DACH2: variants seen among roughly 807,000 people sequenced by gnomAD.
DACH2 encodes dachshund homolog 2.
Under a neutral mutation model 35.8 loss-of-function variants are expected in DACH2, and 17 were observed. That is an observed-to-expected ratio of 0.48 (90% CI 0.33 to 0.71). The LOEUF is 0.71. DACH2 is among the 30% of genes least tolerant of loss of function. The probability of loss-of-function intolerance (pLI) is 0.02; values close to 1 mark genes in which losing one functional copy is unlikely to be tolerated. For synonymous variants in DACH2, 195 were observed against 177.3 expected (o/e 1.10, Z -0.79); for missense variants, 469 against 472.7 (o/e 0.99, Z 0.07).
chrX:86,553,636 T>C (rs1203375521), intron 3 of DACH2, among the ~76,000 whole-genome samples: 1 of 112,021 alleles, frequency 8.9e-6, no homozygotes, highest in Non-Finnish European at 1.9e-5. Context: ...TAGTTAATGG[T>C]AAGTAGATGA....
chrX:86,285,742 C>A (rs2034130967), intron 1 of DACH2, among the ~76,000 whole-genome samples: 1 of 111,759 alleles, frequency 8.9e-6, no homozygotes, highest in African/African-American at 3.3e-5. Flanking sequence ...TCTGAAAGAT[C>A]TGTCCAATGC....
chrX:86,543,412 A>G (rs916519654), intron 3 of DACH2, among the ~76,000 whole-genome samples: 2 of 111,989 alleles, frequency 1.8e-5, no homozygotes, highest in Non-Finnish European at 3.8e-5. Context: ...ACAAGTCAAA[A>G]AGACAGAATG....
At chrX:86,445,947 A>T (rs2037265223) in intron 2 of DACH2, among the ~76,000 whole-genome samples, 1 of 111,471 alleles carries the variant, frequency 9.0e-6, no homozygotes, top group Non-Finnish European at 1.9e-5. Context: ...TGTAAGTGAG[A>T]CGTTGATGTC....
At chrX:86,190,642 T>A (rs1347323402) in intron 1 of DACH2, among the ~76,000 whole-genome samples, 2 of 112,209 alleles carry the variant, frequency 1.8e-5, no homozygotes, top group African/African-American at 3.2e-5. Flanking sequence ...CAGTCAAAAT[T>A]GCTATTATTA....
At position 86,148,722 on chromosome X, in the gene DACH2, G is replaced by GC; in HGVS notation, c.107dup (p.Arg37SerfsTer5). ...AACCCCTGTACTCGACTCCCAGAGA[G>GC]CCCCCTCGTCTTACTCCTAATATGA... On this transcript the variant is annotated frameshift_variant, in exon 1 of 12. Coordinates refer to ENST00000373125, the MANE Select transcript of DACH2 (RefSeq NM_053281.3). LOFTEE classifies it high-confidence loss of function. 8.3e-7 allele frequency: 1 copy of GC among 1,210,964 alleles called. No homozygotes were observed. Among genetic ancestry groups the GC allele is most frequent in the Non-Finnish European group, 1.1e-6 (1 of 895,299 alleles).
intron 7 of DACH2, among the ~76,000 whole-genome samples, chrX:86,772,882 T>G (rs928667813): frequency 1.8e-5 from 2 of 111,113 alleles, no homozygotes; most frequent in Non-Finnish European, 3.8e-5. Context: ...TTTTTCCTAC[T>G]ATATAAGACA....
At chrX:86,537,721 A>T in intron 3 of DACH2, among the ~76,000 whole-genome samples, 1 of 111,576 alleles carries the variant, frequency 9.0e-6, no homozygotes, top group South Asian at 3.8e-4. Flanking sequence ...ACCTTCCACA[A>T]AGCCCTTTGG....
intron 4 of DACH2, among the ~76,000 whole-genome samples, chrX:86,677,574 GAT>G (rs2040837073): frequency 8.9e-6 from 1 of 112,015 alleles, no homozygotes; most frequent in African/African-American, 3.2e-5. Flanking sequence ...TTTGGAGGTG[GAT>G]ATTAGTCCTA....
At chrX:86,379,977 C>G (rs1401747271) in intron 2 of DACH2, among the ~76,000 whole-genome samples, 1 of 110,505 alleles carries the variant, frequency 9.0e-6, no homozygotes, top group East Asian at 2.8e-4. Context: ...AATTAAGGAT[C>G]TTTAGTTAAG....
intron 7 of DACH2, among the ~76,000 whole-genome samples, chrX:86,757,807 C>G (rs1013772891): frequency 2.7e-5 from 3 of 111,994 alleles, no homozygotes; most frequent in Non-Finnish European, 3.8e-5. Context: ...GAGCCCTGCC[C>G]GAGCCATGCT....
intron 2 of DACH2, among the ~76,000 whole-genome samples, chrX:86,446,205 T>C (rs959639392): frequency 5.4e-5 from 6 of 110,968 alleles, no homozygotes; most frequent in African/African-American, 1.6e-4. Flanking sequence ...GAATGTCTTT[T>C]TTTATTCCTT....
chrX:86,695,965 T>C (rs2041064297), intron 5 of DACH2, among the ~76,000 whole-genome samples: 1 of 111,675 alleles, frequency 9.0e-6, no homozygotes, highest in Non-Finnish European at 1.9e-5. Flanking sequence ...ATGTTAACAG[T>C]GAATTGCATA....
intron 7 of DACH2, chrX:86,742,579 C>A (rs1045268102): frequency 1.1e-5 from 2 of 182,971 alleles, no homozygotes; most frequent in Non-Finnish European, 2.2e-5. Context: ...TCGTGTGACA[C>A]TTTTCTGCCT....
intron 7 of DACH2, among the ~76,000 whole-genome samples, chrX:86,758,957 AATTT>A (rs1357098507): frequency 1.8e-5 from 2 of 111,891 alleles, no homozygotes; most frequent in Non-Finnish European, 3.8e-5. Flanking sequence ...ATGTACAATT[AATTT>A]ATTATTTACT....
chrX:86,270,043 T>TG (rs1180682134), intron 1 of DACH2, among the ~76,000 whole-genome samples: 2 of 100,827 alleles, frequency 2.0e-5, no homozygotes, highest in Non-Finnish European at 3.9e-5. Flanking sequence ...ATATATATTT[T>TG]TTTTTTTTCC....
intron 2 of DACH2, among the ~76,000 whole-genome samples, chrX:86,478,707 C>T (rs1275571237): frequency 9.2e-6 from 1 of 109,245 alleles, no homozygotes; most frequent in African/African-American, 3.3e-5. Flanking sequence ...TGATGCCCTG[C>T]TGCTCAAATT....
At chrX:86,679,586 A>G (rs944702116) in intron 4 of DACH2, among the ~76,000 whole-genome samples, 4 of 102,150 alleles carry the variant, frequency 3.9e-5, no homozygotes, top group Admixed American at 1.1e-4. Flanking sequence ...CATAGGTTTT[A>G]TATGTCTCTC....
At chrX:86,532,989 T>C (rs1392913584) in intron 3 of DACH2, among the ~76,000 whole-genome samples, 1 of 112,117 alleles carries the variant, frequency 8.9e-6, no homozygotes, top group African/African-American at 3.2e-5. Context: ...TACCTTTTAG[T>C]TTTGTTCATT....
chrX:86,581,917 C>A (rs764790564), intron 3 of DACH2, among the ~76,000 whole-genome samples: 157 of 111,688 alleles, frequency 1.4e-3, no homozygotes, highest in African/African-American at 4.8e-3. Flanking sequence ...AATATACATT[C>A]TTTTCATTTA....
Sources: allele counts gnomAD v4.1 joint callset (sites outside exome capture counted in the v4.1 genomes callset), GRCh38; gene constraint gnomAD v4.1.1; transcripts MANE v1.5; gene names NCBI Gene and HGNC (gene_info 2026-07-23, HGNC 2026-07-21).